GMPPA: variants seen among roughly 807,000 people sequenced by gnomAD.
GMPPA encodes the protein mannose-1-phosphate guanylyltransferase regulatory subunit alpha.
In GMPPA, 46 loss-of-function variants were observed where a neutral mutation model predicts 58.6. That is an observed-to-expected ratio of 0.78 (90% CI 0.62 to 1.00). The LOEUF is 1.00. GMPPA is among the 50% of genes least tolerant of loss of function. The pLI, the probability that GMPPA is intolerant of heterozygous loss-of-function variation, is 0.00. For synonymous variants in GMPPA, 211 were observed against 214.9 expected (o/e 0.98, Z 0.16); for missense variants, 468 against 556.4 (o/e 0.84, Z 1.60).
Position 219,506,366 on chromosome 2 carries a change from T to A in GMPPA, c.1106T>A (p.Met369Lys). Reference protein sequence around the residue: ...DPNPNDPRARMDSESLFKDGK... With the variant: ...DPNPNDPRARKDSESLFKDGK... The stretch of plus-strand genomic sequence containing the variant: ...AACCCCAACGATCCCCGAGCCCGCA[T>A]GGACAGTGAGAGCCTCTTCAAGGAC... Residue 369 changes from methionine (M) to lysine (K), a missense_variant, in exon 12 of 13, where the codon ATG becomes AAG. Coordinates refer to ENST00000313597, the MANE Select transcript of GMPPA (RefSeq NM_013335.4). 1 of 1,613,856 alleles carries A rather than the reference T, an allele frequency of 6.2e-7. No individual in the cohort carries two copies. Among genetic ancestry groups the A allele is most frequent in the Non-Finnish European group, 8.5e-7 (1 of 1,180,000 alleles).
rs1694338481 is a variant in GMPPA at position 219,500,153 on chromosome 2, C to T, written c.73C>T (p.Pro25Ser). 1 of 1,598,380 alleles carries T rather than the reference C, an allele frequency of 6.3e-7. No homozygotes were observed. Among genetic ancestry groups the T allele is most frequent in the East Asian group, 2.2e-5 (1 of 44,534 alleles). The change falls in exon 3 of 13, where the codon CCC becomes TCC. Residue 25 changes from proline to serine, a missense_variant. Physicochemically the swap from Pro to Ser is moderately conservative, Grantham distance 74. Coordinates refer to ENST00000313597, the MANE Select transcript of GMPPA (RefSeq NM_013335.4). ...TRFRPLSFEV[P>S]KPLFPVAGVP... The stretch of plus-strand genomic sequence containing the variant: ...CTTCAGACCTTTGTCTTTTGAGGTG[C>T]CCAAACCATTGTTTCCTGTGGCAGG...
chr2:219,499,921 A>C (rs957550893), intron 1 of GMPPA, 35 bp from the exon 2 acceptor site: 3 of 1,543,458 alleles, frequency 1.9e-6, no homozygotes, highest in Non-Finnish European at 2.7e-6. Flanking sequence ...TTGGGGTAGG[A>C]GATCTGAGCT....
At chr2:219,500,397 A>C in intron 3 of GMPPA, 179 bp downstream of exon 3, 1 of 604,282 alleles carries the variant, frequency 1.7e-6, no homozygotes, top group Non-Finnish European at 3.0e-6. Flanking sequence ...GTCTTCCCCT[A>C]ATCTAGTTTC....
chr2:219,506,947 T>G lies in GMPPA; in HGVS notation c.*149T>G. On this transcript the variant is annotated 3_prime_UTR_variant, in exon 13 of 13. Transcript: ENST00000313597. ...TGTGGATGGCCTGGGGACTCCTGGGTTTTCTCCCTCCCGACTCCCTAATAA... is the reference window on the plus strand; with the variant it reads ...TGTGGATGGCCTGGGGACTCCTGGGGTTTCTCCCTCCCGACTCCCTAATAA... 1 of 622,022 alleles carries G rather than the reference T, an allele frequency of 1.6e-6. No homozygotes were observed. Among genetic ancestry groups the G allele is most frequent in the Non-Finnish European group, 2.9e-6 (1 of 345,366 alleles). The allele number at this position is 622,022 out of a possible 1,614,324, so 38.5% of individuals were successfully genotyped here. A position where few individuals can be genotyped will look rare whatever the true frequency, so the allele number is the denominator to read the frequency against.
Position 219,502,273 on chromosome 2 carries a change from C to A in GMPPA, c.430-109C>A. On this transcript the variant is annotated intron_variant, in intron 5 of 12. Coordinates refer to ENST00000313597, the MANE Select transcript of GMPPA (RefSeq NM_013335.4). The surrounding 1 kb of genome is among the most constrained non-coding windows in gnomAD (Gnocchi z 4.0). The stretch of plus-strand genomic sequence containing the variant: ...GTTTCCACCCTTGCTGAAGGCCTGT[C>A]AGTGGCAGAGCTGCATGCCAGGTGC... 2 of 1,017,052 alleles carry A rather than the reference C, an allele frequency of 2.0e-6. No homozygotes were observed. The highest frequency in any genetic ancestry group is 2.5e-5 in the East Asian group (1 of 40,398). 63.0% of individuals were successfully genotyped at this position (1,017,052 alleles called of 1,614,324 possible). A position where few individuals can be genotyped will look rare whatever the true frequency, so the allele number is the denominator to read the frequency against.
chr2:219,506,510 G>C (rs933514233), intron 12 of GMPPA, 88 bp downstream of exon 12: 2 of 1,322,152 alleles, frequency 1.5e-6, no homozygotes, highest in South Asian at 1.3e-5. Context: ...GTGTGCACGC[G>C]TGTTTCTTCT....
In GMPPA at chr2:219,505,804, G is replaced by A. The variant is rs751171197; in HGVS notation, c.900+43G>A. On this transcript the variant is annotated intron_variant, in intron 10 of 12. Coordinates refer to ENST00000313597, the MANE Select transcript of GMPPA (RefSeq NM_013335.4). ...CCCCAGGGAGGGAAGGGTGGTGGTC[G>A]GATGGATGGAGGGTGCCCACGCTGC... is the stretch of plus-strand genomic sequence containing the variant. The A allele has an allele frequency of 2.1e-5, 32 of 1,490,448 alleles. No individual in the cohort carries two copies. Among genetic ancestry groups the A allele is most frequent in the South Asian group, 2.4e-5 (2 of 84,206 alleles). The allele number at this position is 1,490,448 out of a possible 1,614,324, so 92.3% of individuals were successfully genotyped here.
At position 219,501,478 on chromosome 2, in the gene GMPPA, C is replaced by A; in HGVS notation, c.141C>A (p.Val47=). Residue 47 remains valine, a splice_region_variant and synonymous_variant, in exon 4 of 13, where the codon GTC becomes GTA. Coordinates refer to ENST00000313597, the MANE Select transcript of GMPPA (RefSeq NM_013335.4). ...IQHHIEACAQ[V]PGMQEILLIG... is the part of the protein sequence containing the mutation. ...CCAGCCTCTTCCCTTGTCCTCAGGT[C>A]CCTGGAATGCAGGAGATTCTGCTCA... 6.3e-7 allele frequency: 1 copy of A among 1,575,502 alleles called. No individual in the cohort carries two copies. Among genetic ancestry groups the A allele is most frequent in the Non-Finnish European group, 8.7e-7 (1 of 1,144,768 alleles).
rs776281711 is a variant in GMPPA, at chr2:219,504,119, A to G, written c.526A>G (p.Ser176Gly). The G allele has an allele frequency of 5.6e-6, 9 of 1,613,922 alleles. No homozygotes were observed. In the South Asian group the frequency reaches 8.8e-5, roughly 16 times the overall value. Residue 176 changes from serine to glycine, a missense_variant, in exon 7 of 13, where the codon AGT becomes GGT. Physicochemically the swap from Ser to Gly is moderately conservative, Grantham distance 56. Coordinates refer to ENST00000313597, the MANE Select transcript of GMPPA (RefSeq NM_013335.4). Reference protein sequence around the residue: ...HYVEKPSTFISDIINCGIYLF... With the variant: ...HYVEKPSTFIGDIINCGIYLF... ...TGTGGAGAAACCCAGCACATTTATCAGTGACATCATCAACTGCGGCATCTA... is the reference window on the plus strand; with the variant it reads ...TGTGGAGAAACCCAGCACATTTATCGGTGACATCATCAACTGCGGCATCTA...
chr2:219,501,423 A>G, intron 3 of GMPPA, 53 bp from the exon 4 acceptor site: 1 of 1,117,546 alleles, frequency 8.9e-7, no homozygotes, highest in Non-Finnish European at 1.4e-6. Context: ...GGATTTCCCC[A>G]ACATCCCCTC....
chr2:219,505,801 G>A, intron 10 of GMPPA, 40 bp downstream of exon 10: 2 of 1,519,032 alleles, frequency 1.3e-6, no homozygotes, highest in African/African-American at 2.7e-5. Context: ...AAGGGTGGTG[G>A]TCGGATGGAT....
chr2:219,506,938 A>T lies in GMPPA; in HGVS notation c.*140A>T. 1 of 626,074 alleles carries T rather than the reference A, an allele frequency of 1.6e-6. No homozygotes were observed. Among genetic ancestry groups the T allele is most frequent in the Non-Finnish European group, 2.9e-6 (1 of 346,824 alleles). 38.8% of individuals were successfully genotyped at this position (626,074 alleles called of 1,614,324 possible). On this transcript the variant is annotated 3_prime_UTR_variant, in exon 13 of 13. Coordinates refer to ENST00000313597, the MANE Select transcript of GMPPA (RefSeq NM_013335.4). ...GGGGAGCAATGTGGATGGCCTGGGGACTCCTGGGTTTTCTCCCTCCCGACT... is the reference window on the plus strand; with the variant it reads ...GGGGAGCAATGTGGATGGCCTGGGGTCTCCTGGGTTTTCTCCCTCCCGACT...
chr2:219,506,880 A>G lies in GMPPA; in HGVS notation c.*82A>G. The G allele has an allele frequency of 1.3e-6, 1 of 745,482 alleles. No homozygotes were observed. Among genetic ancestry groups the G allele is most frequent in the Non-Finnish European group, 2.4e-6 (1 of 411,252 alleles). The allele number at this position is 745,482 out of a possible 1,614,324, so 46.2% of individuals were successfully genotyped here. A position where few individuals can be genotyped will look rare whatever the true frequency, so the allele number is the denominator to read the frequency against. On this transcript the variant is annotated 3_prime_UTR_variant, in exon 13 of 13. Coordinates refer to ENST00000313597, the MANE Select transcript of GMPPA (RefSeq NM_013335.4). ...CTTGGCCAGCCTCTGTCCAGAAAGG[A>G]CCAGAGAAAGCCAGGCTGGATCGTC... is the stretch of plus-strand genomic sequence containing the variant.
chr2:219,500,486 C>A (rs1694352513), intron 3 of GMPPA: 1 of 522,788 alleles, frequency 1.9e-6, no homozygotes, highest in African/African-American at 1.9e-5. Flanking sequence ...ATCTTGGAGA[C>A]AATGTAAAGC....
rs1352913225 is a variant in GMPPA, at chr2:219,504,091, C to A, written c.498C>A (p.His166Gln). Residue 166 changes from histidine (H) to glutamine (Q), a missense_variant, in exon 7 of 13, where the codon CAC (histidine) becomes CAA (glutamine). Transcript: ENST00000313597. The stretch of plus-strand genomic sequence containing the variant: ...GCCTGCTCTGTCCTCAGGTATTGCA[C>A]TATGTGGAGAAACCCAGCACATTTA... ...VENPQTHEVL[H>Q]YVEKPSTFIS... 6.2e-7 allele frequency: 1 copy of A among 1,614,142 alleles called. No individual in the cohort carries two copies. Among genetic ancestry groups the A allele is most frequent in the Non-Finnish European group, 8.5e-7 (1 of 1,179,996 alleles).
Position 219,504,163 on chromosome 2 carries a change from C to T in GMPPA, c.570C>T (p.Ala190=), listed in dbSNP as rs751507462. 3 of 1,613,834 alleles carry T rather than the reference C, an allele frequency of 1.9e-6. No homozygotes were observed. In the East Asian group the frequency reaches 6.7e-5, roughly 36 times the overall value. ...GCATCTACCTCTTTTCTCCTGAAGC[C>T]TTGAAGCCTCTTCGGGATGTCTTCC... ...NCGIYLFSPE[A]LKPLRDVFQR... Residue 190 remains alanine (A), a synonymous_variant, in exon 7 of 13, where the codon GCC becomes GCT. Coordinates refer to ENST00000313597, the MANE Select transcript of GMPPA (RefSeq NM_013335.4).
Position 219,501,484 on chromosome 2 carries a change from A to T in GMPPA, c.147A>T (p.Gly49=), listed in dbSNP as rs1276495785. ...TCTTCCCTTGTCCTCAGGTCCCTGG[A>T]ATGCAGGAGATTCTGCTCATTGGCT... The part of the protein sequence containing the change: ...HHIEACAQVP[G]MQEILLIGFY... Residue 49 remains glycine, a synonymous_variant, in exon 4 of 13, where the codon GGA becomes GGT. Coordinates refer to ENST00000313597, the MANE Select transcript of GMPPA (RefSeq NM_013335.4). 7 of 1,591,118 alleles carry T rather than the reference A, an allele frequency of 4.4e-6. No individual in the cohort carries two copies. Among genetic ancestry groups the T allele is most frequent in the Non-Finnish European group, 6.0e-6 (7 of 1,159,126 alleles).
In GMPPA at chr2:219,501,924, A is replaced by G. The variant is rs1294306936; in HGVS notation, c.316A>G (p.Ser106Gly). 6 of 1,614,022 alleles carry G rather than the reference A, an allele frequency of 3.7e-6. No individual in the cohort carries two copies. The Admixed American group carries it at 8.3e-5, about 22-fold the overall frequency. The stretch of plus-strand genomic sequence containing the variant: ...TTTTCGAGACCAGATCCTGGCTGGG[A>G]GCCCCGAGGCATTCTTCGTGCTCAA... ...YHFRDQILAG[S>G]PEAFFVLNAD... The change falls in exon 5 of 13, where the codon AGC becomes GGC. Residue 106 changes from serine (S) to glycine (G), a missense_variant. By Grantham distance (56) the Ser-to-Gly change is moderately conservative. Transcript: ENST00000313597.
chr2:219,506,154 G>A, intron 11 of GMPPA, 82 bp downstream of exon 11: 1 of 1,466,128 alleles, frequency 6.8e-7, no homozygotes, highest in African/African-American at 1.4e-5. Context: ...GAACAGAGAA[G>A]GGTGAACGCC....
Sources: allele counts gnomAD v4.1 joint callset, GRCh38; gene constraint gnomAD v4.1.1; non-coding constraint Gnocchi (gnomAD v3.1); transcripts MANE v1.5; gene names NCBI Gene and HGNC (gene_info 2026-07-23, HGNC 2026-07-21).